MCC: variants seen among roughly 807,000 people sequenced by gnomAD.
MCC encodes MCC regulator of Wnt signaling pathway, also known as colorectal mutant cancer protein.
A neutral mutation model predicts 116.2 loss-of-function variants in MCC; 90 were observed. That is an observed-to-expected ratio of 0.77 (90% CI 0.65 to 0.92). The LOEUF (loss-of-function observed/expected upper bound fraction) is 0.92, where lower values mean the gene tolerates loss of function less well. MCC is among the 40% of genes least tolerant of loss of function. The pLI is 0.00. For synonymous variants in MCC, 578 were observed against 510.5 expected (o/e 1.13, Z -1.78); for missense variants, 1,516 against 1,312.2 (o/e 1.16, Z -2.40).
chr5:113,161,620 A>ATGTGTGTGTGTGTGTGTGTGTG (rs57962617), intron 3 of MCC, among the ~76,000 whole-genome samples: 1 of 148,338 alleles, frequency 6.7e-6, no homozygotes, highest in African/African-American at 2.5e-5. Flanking sequence ...GTTTAGATTT[A>ATGTGTGTGTGTGTGTGTGTGTG]TGTGTGTGTG....
At chr5:113,409,033 A>G (rs1769909153) in intron 1 of MCC, among the ~76,000 whole-genome samples, 1 of 152,228 alleles carries the variant, frequency 6.6e-6, no homozygotes, top group Non-Finnish European at 1.5e-5. Flanking sequence ...CCTGCTAAAG[A>G]GTAATAAATG....
chr5:113,032,512 T>C (rs1288359819), intron 17 of MCC, among the ~76,000 whole-genome samples: 1 of 152,244 alleles, frequency 6.6e-6, no homozygotes, highest in African/African-American at 2.4e-5. Context: ...GTCTCTACTT[T>C]TTTCATGGGA....
intron 1 of MCC, among the ~76,000 whole-genome samples, chr5:113,473,244 C>T (rs1412714327): frequency 6.6e-6 from 1 of 152,092 alleles, no homozygotes; most frequent in Non-Finnish European, 1.5e-5. Context: ...ATAAAACTGG[C>T]TGGGTGCAGG....
At chr5:113,299,679 C>T (rs927827853) in intron 3 of MCC, among the ~76,000 whole-genome samples, 2 of 152,216 alleles carry the variant, frequency 1.3e-5, no homozygotes, top group African/African-American at 4.8e-5. Flanking sequence ...TACATGACTA[C>T]AAATCCTGTT....
intron 2 of MCC, among the ~76,000 whole-genome samples, chr5:113,342,133 C>T (rs1008122142): frequency 6.6e-6 from 1 of 152,174 alleles, no homozygotes; most frequent in Non-Finnish European, 1.5e-5. Flanking sequence ...GAATAATGGT[C>T]TCCAATTCCA....
chr5:113,385,378 G>A (rs1288940519), intron 1 of MCC, among the ~76,000 whole-genome samples, 166 bp from the exon 2 acceptor site: 1 of 152,106 alleles, frequency 6.6e-6, no homozygotes, highest in African/African-American at 2.4e-5. Context: ...AAAAAAACGT[G>A]TTCCATTTGG....
intron 3 of MCC, among the ~76,000 whole-genome samples, chr5:113,333,872 T>TA (rs1767802621): frequency 3.2e-4 from 19 of 59,656 alleles, no homozygotes; most frequent in East Asian, 1.2e-3. Flanking sequence ...TATATATGTA[T>TA]TCACATATAC....
chr5:113,164,030 A>AT (rs1760642299), intron 3 of MCC, among the ~76,000 whole-genome samples: 1 of 152,116 alleles, frequency 6.6e-6, no homozygotes, highest in East Asian at 1.9e-4. Context: ...TCTTGACCCT[A>AT]TTTACAAAGT....
At chr5:113,064,309 G>A in intron 13 of MCC, 142 bp from the exon 14 acceptor site, 1 of 721,800 alleles carries the variant, frequency 1.4e-6, no homozygotes. Context: ...CCGAAGAGAA[G>A]ATCTGTGTTC....
chr5:113,383,930 C>T (rs1241321981), intron 2 of MCC, among the ~76,000 whole-genome samples: 1 of 152,140 alleles, frequency 6.6e-6, no homozygotes, highest in Non-Finnish European at 1.5e-5. Context: ...TGACCCTTTA[C>T]TTCTTGCCAA....
chr5:113,275,995 G>A (rs1384756031), intron 3 of MCC, among the ~76,000 whole-genome samples: 2 of 141,628 alleles, frequency 1.4e-5, no homozygotes, highest in Non-Finnish European at 3.0e-5. Context: ...TTTTTAAGCA[G>A]GCCAACCCCA....
chr5:113,416,326 G>A (rs1038380439), intron 1 of MCC, among the ~76,000 whole-genome samples: 2 of 152,156 alleles, frequency 1.3e-5, no homozygotes, highest in Non-Finnish European at 2.9e-5. Flanking sequence ...GACTGAAACA[G>A]GAGGATTGCT....
At chr5:113,119,311 G>T (rs1757594932) in intron 6 of MCC, among the ~76,000 whole-genome samples, 1 of 152,180 alleles carries the variant, frequency 6.6e-6, no homozygotes, top group Non-Finnish European at 1.5e-5. Context: ...AGAAAATGAA[G>T]CAGGGAAAGG....
At chr5:113,349,849 GGA>G (rs1384728502) in intron 2 of MCC, among the ~76,000 whole-genome samples, 2 of 151,914 alleles carry the variant, frequency 1.3e-5, no homozygotes, top group African/African-American at 4.8e-5. Flanking sequence ...TAAAGTTGCA[GGA>G]TACAAAATCA....
intron 1 of MCC, among the ~76,000 whole-genome samples, chr5:113,459,648 G>A (rs1292776159): frequency 6.6e-6 from 1 of 152,128 alleles, no homozygotes; most frequent in Non-Finnish European, 1.5e-5. Context: ...GGACCTACAG[G>A]ACCAGAAGGA....
rs201537019 is a variant in MCC, at chr5:113,166,721, AAC to A, written c.628-15301_628-15300del. Among the ~76,000 whole-genome samples the A allele has an allele frequency of 9.6e-3, 1,277 of 133,130 alleles. 27 individuals carry two copies. The highest frequency in any genetic ancestry group is 0.032 in the African/African-American group (1,172 of 36,348). 87.3% of individuals were successfully genotyped at this position (133,130 alleles called of 152,430 possible). Reference sequence around the variant, plus strand: ...TCATTTATTTAAAAAAAAAAAAAAAAACAACCAAAAAACCAAAAAAACAAAGC... The same window carrying A: ...TCATTTATTTAAAAAAAAAAAAAAAAAACCAAAAAACCAAAAAAACAAAGC... On this transcript the variant is annotated intron_variant, in intron 3 of 18. Coordinates refer to ENST00000408903, the MANE Select transcript of MCC (RefSeq NM_001085377.2).
intron 11 of MCC, among the ~76,000 whole-genome samples, chr5:113,079,716 C>T (rs186734152): frequency 1.3e-3 from 205 of 152,268 alleles, no homozygotes; most frequent in Admixed American, 2.2e-3. Flanking sequence ...TAGAAGAAAA[C>T]CTAGGCAATA....
At chr5:113,059,610 G>A (rs962620605) in intron 14 of MCC, among the ~76,000 whole-genome samples, 12 of 152,360 alleles carry the variant, frequency 7.9e-5, no homozygotes, top group Non-Finnish European at 1.8e-4. Flanking sequence ...CGACTGTGGG[G>A]GAAGGCTAAT....
At chr5:113,146,200 TG>T (rs2150288129) in intron 4 of MCC, among the ~76,000 whole-genome samples, 1 of 33,380 alleles carries the variant, frequency 3.0e-5, no homozygotes, top group Admixed American at 3.0e-4. Context: ...GAGACTGTGC[TG>T]GGTGCTACAG....
Sources: gnomAD v4.1 joint callset for allele counts (sites outside exome capture counted in the v4.1 genomes callset) on GRCh38, gnomAD v4.1.1 for gene constraint, MANE v1.5 for transcripts, NCBI Gene and HGNC (gene_info 2026-07-23, HGNC 2026-07-21) for gene names.